MYH15: variants seen among roughly 807,000 people sequenced by gnomAD.
MYH15 encodes the protein myosin heavy chain 15.
MYH15 carries 227 observed loss-of-function variants against 240.5 expected under a neutral mutation model. That is an observed-to-expected ratio of 0.94 (90% CI 0.85 to 1.05). The LOEUF is 1.05. MYH15 is among the 50% of genes least tolerant of loss of function. The probability of loss-of-function intolerance (pLI) is 0.00; values close to 1 mark genes in which losing one functional copy is unlikely to be tolerated. For missense variants in MYH15, 2,217 were observed against 2,247.5 expected (o/e 0.99, Z 0.27); for synonymous variants, 785 against 796.7 (o/e 0.99, Z 0.25).
chr3:108,430,405 T>C (rs1046250084), intron 26 of MYH15, among the ~76,000 whole-genome samples: 4 of 152,222 alleles, frequency 2.6e-5, no homozygotes, highest in African/African-American at 9.6e-5. Flanking sequence ...AACTTACTGA[T>C]TTTCAATCGC....
At chr3:108,496,594 G>T (rs544496760) in intron 6 of MYH15, among the ~76,000 whole-genome samples, 3 of 151,914 alleles carry the variant, frequency 2.0e-5, no homozygotes, top group Admixed American at 2.0e-4. Flanking sequence ...ATCTTATGGG[G>T]GGACTTATAT....
chr3:108,476,330 A>G (rs2083219732), intron 12 of MYH15, 67 bp downstream of exon 12: 2 of 1,008,946 alleles, frequency 2.0e-6, no homozygotes, highest in Non-Finnish European at 3.0e-6. Flanking sequence ...TGAAAAATAT[A>G]CAGTACAATA....
At chr3:108,447,102 A>C (rs574826922) in intron 21 of MYH15, among the ~76,000 whole-genome samples, 1 of 152,326 alleles carries the variant, frequency 6.6e-6, no homozygotes, top group East Asian at 1.9e-4. Context: ...AATTCCATGG[A>C]AAGTATAAAT....
chr3:108,501,656 G>T, intron 3 of MYH15, 56 bp downstream of exon 3: 1 of 1,604,854 alleles, frequency 6.2e-7, no homozygotes, highest in Non-Finnish European at 8.5e-7. Flanking sequence ...AGGAGAGATT[G>T]GGACATGCAA....
At chr3:108,403,144 A>G (rs1302129772) in intron 33 of MYH15, among the ~76,000 whole-genome samples, 2 of 152,194 alleles carry the variant, frequency 1.3e-5, no homozygotes, top group Admixed American at 1.3e-4. Flanking sequence ...TCACATACAT[A>G]CCAGCTGCTT....
intron 31 of MYH15, 68 bp downstream of exon 31, chr3:108,410,515 T>C: frequency 8.8e-7 from 1 of 1,134,960 alleles, no homozygotes; most frequent in Non-Finnish European, 1.2e-6. Flanking sequence ...GAAGACAGCC[T>C]TGCCTGTAGC....
rs1576197470 is a variant in MYH15, at chr3:108,381,386, A to G, written c.*159T>C. The G allele has an allele frequency of 1.2e-6, 1 of 811,670 alleles. No individual in the cohort carries two copies. The highest frequency in any genetic ancestry group is 2.5e-5 in the East Asian group (1 of 39,904). The allele number at this position is 811,670 out of a possible 1,614,324, so 50.3% of individuals were successfully genotyped here. On this transcript the variant is annotated 3_prime_UTR_variant, in exon 41 of 41. Transcript: ENST00000693548. The stretch of plus-strand genomic sequence containing the variant: ...ATCCCCATTAACTGTGGAAGCAATG[A>G]TATTCCCTTTAATTATTTTTCTAAT...
At chr3:108,499,931 C>G (rs988778299) in intron 4 of MYH15, among the ~76,000 whole-genome samples, 187 bp downstream of exon 4, 1 of 152,192 alleles carries the variant, frequency 6.6e-6, no homozygotes, top group Non-Finnish European at 1.5e-5. Flanking sequence ...ACAAACTAAT[C>G]GGCCCAATAA....
intron 11 of MYH15, among the ~76,000 whole-genome samples, chr3:108,484,460 T>A (rs1423237826): frequency 6.6e-6 from 1 of 152,084 alleles, no homozygotes; most frequent in East Asian, 1.9e-4. Context: ...CATAATTTGC[T>A]CCTTATTTTT....
At chr3:108,466,311 T>C (rs2083117139) in intron 14 of MYH15, among the ~76,000 whole-genome samples, 1 of 152,238 alleles carries the variant, frequency 6.6e-6, no homozygotes, top group South Asian at 2.1e-4. Flanking sequence ...TAGCGCATAA[T>C]TTTTAAATGC....
chr3:108,479,545 A>G (rs1222881443), intron 11 of MYH15, among the ~76,000 whole-genome samples: 2 of 152,184 alleles, frequency 1.3e-5, no homozygotes, highest in Admixed American at 6.6e-5. Flanking sequence ...AGTTGTAAAA[A>G]CAAATACTGA....
At chr3:108,408,935 G>A (rs1442026165) in intron 31 of MYH15, among the ~76,000 whole-genome samples, 1 of 152,220 alleles carries the variant, frequency 6.6e-6, no homozygotes, top group Non-Finnish European at 1.5e-5. Flanking sequence ...AAGCACTTGA[G>A]TGTTTTTTCC....
chr3:108,468,673 G>A (rs1401184985), intron 14 of MYH15, among the ~76,000 whole-genome samples: 1 of 152,130 alleles, frequency 6.6e-6, no homozygotes, highest in South Asian at 2.1e-4. Flanking sequence ...AATTACATCC[G>A]TGATGCTAGT....
upstream of MYH15, among the ~76,000 whole-genome samples, chr3:108,531,310 G>A (rs143997099): frequency 2.0e-5 from 3 of 152,268 alleles, no homozygotes; most frequent in East Asian, 5.8e-4. Flanking sequence ...TCTTTCCTTT[G>A]AGAAGGGCAG....
intron 18 of MYH15, among the ~76,000 whole-genome samples, chr3:108,458,264 T>G (rs1232666035): frequency 6.6e-6 from 1 of 152,172 alleles, no homozygotes; most frequent in East Asian, 1.9e-4. Flanking sequence ...GGTAACAGAA[T>G]TGCTCCAAAA....
At chr3:108,438,812 T>C (rs2082862054) in intron 24 of MYH15, among the ~76,000 whole-genome samples, 1 of 152,188 alleles carries the variant, frequency 6.6e-6, no homozygotes, top group African/African-American at 2.4e-5. Flanking sequence ...GTTTATGGTA[T>C]TTTATTATAG....
chr3:108,444,754 C>T lies in MYH15; in HGVS notation c.2541G>A (p.Glu847=), dbSNP rs544597065. The T allele has an allele frequency of 4.3e-6, 7 of 1,613,990 alleles. No homozygotes were observed. In the African/African-American group the frequency reaches 9.3e-5, roughly 22 times the overall value. Residue 847 remains glutamate (E), a synonymous_variant, in exon 22 of 41, where the codon GAG becomes GAA. Coordinates refer to ENST00000693548, the MANE Select transcript of MYH15 (RefSeq NM_014981.3). ...VGEEVAGLKE[E]CAQLQKALEK... ...CCAAGGCTTTCTGTAATTGTGCACA[C>T]TCTTCCTTCAGTCCAGCTACTTCTT... is the stretch of plus-strand genomic sequence containing the variant.
chr3:108,526,598 C>A (rs144765959), intron 1 of MYH15, among the ~76,000 whole-genome samples: 2 of 152,098 alleles, frequency 1.3e-5, no homozygotes, highest in East Asian at 3.8e-4. Flanking sequence ...TTGAAACAAG[C>A]CAATAATAAT....
chr3:108,530,038 G>A (rs959509917), upstream of MYH15, among the ~76,000 whole-genome samples: 1 of 152,154 alleles, frequency 6.6e-6, no homozygotes, highest in African/African-American at 2.4e-5. Flanking sequence ...AAAAGTCCTT[G>A]GAGCCCTTTA....
Sources: gnomAD v4.1 joint callset for allele counts (sites outside exome capture counted in the v4.1 genomes callset) on GRCh38, gnomAD v4.1.1 for gene constraint, MANE v1.5 for transcripts, NCBI Gene and HGNC (gene_info 2026-07-23, HGNC 2026-07-21) for gene names.